The following PRKG1 variants were observed in gnomAD, a reference collection of about 807,000 sequenced individuals.
PRKG1 encodes protein kinase cGMP-dependent 1.
In PRKG1, 35 loss-of-function variants were observed where a neutral mutation model predicts 88.1. The ratio of observed to expected loss-of-function variants is 0.40; its 90% CI spans 0.30 to 0.53. The LOEUF is 0.53. PRKG1 is among the 20% of genes least tolerant of loss of function. The pLI is 0.59. For synonymous variants in PRKG1, 303 were observed against 292.5 expected (o/e 1.04, Z -0.37); for missense variants, 540 against 839.8 (o/e 0.64, Z 4.41).
At chr10:51,234,026 T>A (rs1838915331) in intron 2 of PRKG1, among the ~76,000 whole-genome samples, 1 of 152,152 alleles carries the variant, frequency 6.6e-6, no homozygotes, top group Non-Finnish European at 1.5e-5. Flanking sequence ...TTTTCCAAAT[T>A]CATATGGACC....
At chr10:51,492,891 G>GATTTTTCAAATC (rs1301464196) in intron 3 of PRKG1, among the ~76,000 whole-genome samples, 1 of 152,096 alleles carries the variant, frequency 6.6e-6, no homozygotes, top group African/African-American at 2.4e-5. Flanking sequence ...TGCACATCAA[G>GATTTTTCAAATC]TAGAAAAAAG....
chr10:52,118,870 C>G (rs549337720), intron 7 of PRKG1, among the ~76,000 whole-genome samples: 1 of 152,150 alleles, frequency 6.6e-6, no homozygotes, highest in Admixed American at 6.5e-5. Context: ...TACCAAAAAA[C>G]TTTTTTCCAA....
chr10:52,045,468 A>G (rs1035360823), intron 5 of PRKG1, among the ~76,000 whole-genome samples: 1 of 152,114 alleles, frequency 6.6e-6, no homozygotes, highest in African/African-American at 2.4e-5. Flanking sequence ...TAGTTTGAGA[A>G]ACAATGTTAC....
chr10:51,314,574 A>G (rs1841273583), intron 2 of PRKG1, among the ~76,000 whole-genome samples: 1 of 152,244 alleles, frequency 6.6e-6, no homozygotes, highest in Non-Finnish European at 1.5e-5. Context: ...AAGCTGTTTC[A>G]GTTACAATAT....
chr10:52,058,996 A>T (rs1459734861), intron 6 of PRKG1, among the ~76,000 whole-genome samples: 1 of 151,960 alleles, frequency 6.6e-6, no homozygotes, highest in Non-Finnish European at 1.5e-5. Flanking sequence ...CCACTTTAAA[A>T]AACAGAATGA....
At chr10:51,087,347 C>G (rs980792917) in intron 1 of PRKG1, among the ~76,000 whole-genome samples, 1 of 152,036 alleles carries the variant, frequency 6.6e-6, no homozygotes, top group Admixed American at 6.6e-5. Context: ...AAATATTTGT[C>G]CAACTGTATA....
chr10:51,326,553 G>A (rs1397840783), intron 2 of PRKG1, among the ~76,000 whole-genome samples: 1 of 152,196 alleles, frequency 6.6e-6, no homozygotes, highest in Non-Finnish European at 1.5e-5. Context: ...AATTACTCCA[G>A]AGAATATACA....
In PRKG1 at chr10:51,487,898, A is replaced by G. The variant is rs114221008; in HGVS notation, c.592+20062A>G. On this transcript the variant is annotated intron_variant, in intron 3 of 17. Coordinates refer to ENST00000373980, the MANE Select transcript of PRKG1 (RefSeq NM_006258.4). ...AATGTTTGGAGACTGTAGAGAGATG[A>G]TGACGAAGAAACAACTGAGGATTTC... is the stretch of plus-strand genomic sequence containing the variant. 3.9e-3 allele frequency among the ~76,000 whole-genome samples: 594 copies of G among 152,328 alleles called. 1 individual carries two copies. Among genetic ancestry groups the G allele is most frequent in the African/African-American group, 0.012 (481 of 41,574 alleles).
At chr10:51,238,974 G>A (rs930263005) in intron 2 of PRKG1, among the ~76,000 whole-genome samples, 1 of 151,208 alleles carries the variant, frequency 6.6e-6, no homozygotes, top group Admixed American at 6.6e-5. Flanking sequence ...AAGTCAACAG[G>A]AATATAGTAA....
chr10:51,881,889 C>T (rs1231897978), intron 4 of PRKG1, among the ~76,000 whole-genome samples: 2 of 152,140 alleles, frequency 1.3e-5, no homozygotes, highest in Non-Finnish European at 2.9e-5. Context: ...TCACAGAACT[C>T]TTAAGTGGCA....
At chr10:51,743,848 G>A (rs960633738) in intron 3 of PRKG1, among the ~76,000 whole-genome samples, 24 of 147,966 alleles carry the variant, frequency 1.6e-4, no homozygotes, top group African/African-American at 5.7e-4. Flanking sequence ...GTAACAGAAA[G>A]ACTTGGGATT....
chr10:51,104,809 A>ACC (rs1166283133), intron 1 of PRKG1, among the ~76,000 whole-genome samples: 2 of 151,422 alleles, frequency 1.3e-5, no homozygotes, highest in Admixed American at 1.3e-4. Context: ...GGCTTACTGC[A>ACC]ACCTCCACCT....
At chr10:51,564,157 T>G (rs1337111810) in intron 3 of PRKG1, among the ~76,000 whole-genome samples, 5 of 152,074 alleles carry the variant, frequency 3.3e-5, no homozygotes, top group Non-Finnish European at 7.4e-5. Context: ...GCATACCTAC[T>G]ACGTGCTGGG....
At chr10:52,149,363 T>C (rs574691250) in intron 8 of PRKG1, among the ~76,000 whole-genome samples, 3 of 152,100 alleles carry the variant, frequency 2.0e-5, no homozygotes, top group Non-Finnish European at 4.4e-5. Context: ...TAGACTGCCA[T>C]TGGTGTTCCC....
chr10:51,196,220 T>C (rs1837761115), intron 2 of PRKG1, among the ~76,000 whole-genome samples: 1 of 152,204 alleles, frequency 6.6e-6, no homozygotes, highest in Non-Finnish European at 1.5e-5. Flanking sequence ...AGATGGGAGT[T>C]AGTTTTATCA....
At chr10:52,207,638 C>A (rs891737900) in intron 9 of PRKG1, among the ~76,000 whole-genome samples, 2 of 152,180 alleles carry the variant, frequency 1.3e-5, no homozygotes, top group Non-Finnish European at 2.9e-5. Context: ...CCTCTCTAAG[C>A]AGCAATCCCT....
chr10:51,941,488 C>T lies in PRKG1; in HGVS notation c.762+33918C>T, dbSNP rs538764491. Among the ~76,000 whole-genome samples the T allele has an allele frequency of 4.5e-3, 689 of 151,816 alleles. 12 individuals carry two copies. Among genetic ancestry groups the T allele is most frequent in the African/African-American group, 0.016 (655 of 41,296 alleles). ...TTATTATACTTTAAGTTTTAGGGTA[C>T]ATGTGCACAATGTGCAGGTTAGTTA... is the stretch of plus-strand genomic sequence containing the variant. On this transcript the variant is annotated intron_variant, in intron 5 of 17. Coordinates refer to ENST00000373980, the MANE Select transcript of PRKG1 (RefSeq NM_006258.4).
At chr10:52,182,837 G>C (rs1051813494) in intron 9 of PRKG1, among the ~76,000 whole-genome samples, 1 of 151,906 alleles carries the variant, frequency 6.6e-6, no homozygotes, top group Non-Finnish European at 1.5e-5. Context: ...GGTTACTGTA[G>C]CCTTGTAGTA....
At chr10:51,371,352 A>G (rs570875686) in intron 2 of PRKG1, among the ~76,000 whole-genome samples, 2 of 152,078 alleles carry the variant, frequency 1.3e-5, no homozygotes, top group African/African-American at 2.4e-5. Context: ...AGCCTGAGCA[A>G]CATTAGAGAC....
Sources: gnomAD v4.1 joint callset for allele counts (sites outside exome capture counted in the v4.1 genomes callset) on GRCh38, gnomAD v4.1.1 for gene constraint, MANE v1.5 for transcripts, NCBI Gene and HGNC (gene_info 2026-07-23, HGNC 2026-07-21) for gene names.